Variants in DPP4 observed in about 807,000 individuals in gnomAD.
The protein encoded by DPP4 is ADCP-2.
DPP4 carries 93 observed loss-of-function variants against 122.4 expected under a neutral mutation model. The ratio of observed to expected loss-of-function variants is 0.76; its 90% confidence interval spans 0.64 to 0.90. The LOEUF is 0.90. DPP4 is among the 40% of genes least tolerant of loss of function. DPP4 has a pLI of 0.00. For missense variants in DPP4, 914 were observed against 907.3 expected (o/e 1.01, Z -0.09); for synonymous variants, 321 against 302.9 (o/e 1.06, Z -0.62).
chr2:162,044,475 A>T (rs1684105493), intron 5 of DPP4, among the ~76,000 whole-genome samples: 1 of 151,248 alleles, frequency 6.6e-6, no homozygotes, highest in African/African-American at 2.4e-5. Flanking sequence ...TTGGTGTGTG[A>T]GCGTTGGTGT....
chr2:162,052,008 G>A (rs1334833623), intron 2 of DPP4, among the ~76,000 whole-genome samples: 1 of 152,048 alleles, frequency 6.6e-6, no homozygotes, highest in African/African-American at 2.4e-5. Flanking sequence ...TTTGGGAAGT[G>A]GTTAGTGCTT....
rs752056322 is a variant in DPP4, at chr2:162,039,041, A to G, written c.420-20T>C. 3 of 1,613,066 alleles carry G rather than the reference A, an allele frequency of 1.9e-6. No homozygotes were observed. In the East Asian group the frequency reaches 6.7e-5, roughly 36 times the overall value. Reference sequence around the variant, plus strand: ...AGCTGCCTGGAAAAAAGATGAAAGGAAATATTATCAAAAAGAATAACTCAC... The same window carrying G: ...AGCTGCCTGGAAAAAAGATGAAAGGGAATATTATCAAAAAGAATAACTCAC... On this transcript the variant is annotated intron_variant, in intron 6 of 25. Coordinates refer to ENST00000360534, the MANE Select transcript of DPP4 (RefSeq NM_001935.4).
At chr2:162,020,878 T>C (rs1683100977) in intron 12 of DPP4, among the ~76,000 whole-genome samples, 190 bp from the exon 13 acceptor site, 1 of 152,158 alleles carries the variant, frequency 6.6e-6, no homozygotes, top group Admixed American at 6.5e-5. Flanking sequence ...ACCATACTCA[T>C]AGGTAATTTT....
chr2:162,053,984 C>T (rs998266212), intron 2 of DPP4, among the ~76,000 whole-genome samples: 1 of 152,218 alleles, frequency 6.6e-6, no homozygotes, highest in Non-Finnish European at 1.5e-5. Flanking sequence ...AAGACTTCAA[C>T]CCATGAGAGC....
At chr2:162,073,328 C>T (rs1310032451) in intron 2 of DPP4, 71 bp downstream of exon 2, 3 of 1,514,346 alleles carry the variant, frequency 2.0e-6, no homozygotes, top group African/African-American at 1.4e-5. Flanking sequence ...CCCTCGTTTC[C>T]CTTAGCGTGG....
intron 23 of DPP4, among the ~76,000 whole-genome samples, chr2:161,999,821 G>T (rs1701099233): frequency 6.6e-6 from 1 of 152,162 alleles, no homozygotes; most frequent in East Asian, 1.9e-4. Context: ...GATAATAATG[G>T]TGGCAGCTGC....
Position 162,074,046 on chromosome 2 carries a change from C to A in DPP4, c.-65G>T. ...CGCAGGCAGAAGTCACCGCGGGCGG[C>A]GGAGACGCGCGTCCTGCACCGCTGC... On this transcript the variant is annotated 5_prime_UTR_variant, in exon 1 of 26. Transcript: ENST00000360534. 6.3e-7 allele frequency: 1 copy of A among 1,582,302 alleles called. No individual in the cohort carries two copies. The highest frequency in any genetic ancestry group is 2.3e-5 in the East Asian group (1 of 43,692).
intron 12 of DPP4, among the ~76,000 whole-genome samples, chr2:162,021,292 T>C (rs1683118384): frequency 6.6e-6 from 1 of 152,208 alleles, no homozygotes; most frequent in Non-Finnish European, 1.5e-5. Flanking sequence ...TTGTTAAATA[T>C]GATCAACAAT....
chr2:162,021,907 G>A (rs879525165), intron 12 of DPP4, among the ~76,000 whole-genome samples: 4 of 152,196 alleles, frequency 2.6e-5, no homozygotes, highest in Non-Finnish European at 2.9e-5. Flanking sequence ...GAAAAAGGAC[G>A]TGTGAATGCT....
At chr2:162,059,921 G>A (rs929044111) in intron 2 of DPP4, among the ~76,000 whole-genome samples, 2 of 152,192 alleles carry the variant, frequency 1.3e-5, no homozygotes, top group African/African-American at 4.8e-5. Context: ...CTAGTTTGCT[G>A]GGTTGTTCTA....
At chr2:162,013,540 C>G (rs1470838206) in intron 19 of DPP4, among the ~76,000 whole-genome samples, 1 of 151,710 alleles carries the variant, frequency 6.6e-6, no homozygotes, top group Non-Finnish European at 1.5e-5. Context: ...TTTTTTCTCG[C>G]TGGTAACAAC....
At chr2:162,000,107 A>G (rs1048306343) in intron 23 of DPP4, among the ~76,000 whole-genome samples, 2 of 152,144 alleles carry the variant, frequency 1.3e-5, no homozygotes, top group Non-Finnish European at 2.9e-5. Context: ...AAGATCTTAT[A>G]GAAAGAGCAC....
At chr2:162,053,042 G>A (rs935136474) in intron 2 of DPP4, among the ~76,000 whole-genome samples, 2 of 152,168 alleles carry the variant, frequency 1.3e-5, no homozygotes, top group African/African-American at 4.8e-5. Flanking sequence ...CATCCTATAG[G>A]AAAATGTGAG....
At position 162,046,659 on chromosome 2, in the gene DPP4, G is replaced by T. The variant is rs1310173337; in HGVS notation, c.285+256C>A. ...TTCACCAAAGGAGAGCATGCAAAGT[G>T]AAGAGGGAGGCAAATGAAGATGGAG... On this transcript the variant is annotated intron_variant, in intron 4 of 25. Coordinates refer to ENST00000360534, the MANE Select transcript of DPP4 (RefSeq NM_001935.4). 1.1e-5 allele frequency: 6 copies of T among 557,308 alleles called. No homozygotes were observed. The African/African-American group carries it at 1.1e-4, about 10-fold the overall frequency. The allele number at this position is 557,308 out of a possible 1,614,324, so 34.5% of individuals were successfully genotyped here. A position where few individuals can be genotyped will look rare whatever the true frequency, so the allele number is the denominator to read the frequency against.
At chr2:162,036,363 T>C (rs1178952719) in intron 8 of DPP4, among the ~76,000 whole-genome samples, 1 of 152,218 alleles carries the variant, frequency 6.6e-6, no homozygotes, top group Admixed American at 6.5e-5. Flanking sequence ...ATAATAATTA[T>C]TGTGATGAGC....
At chr2:162,042,275 C>G (rs1684013464) in intron 5 of DPP4, among the ~76,000 whole-genome samples, 1 of 152,172 alleles carries the variant, frequency 6.6e-6, no homozygotes, top group African/African-American at 2.4e-5. Context: ...TAGCAGGGTT[C>G]TGGAACATTG....
intron 2 of DPP4, among the ~76,000 whole-genome samples, chr2:162,057,666 G>A (rs1684622310): frequency 2.0e-5 from 3 of 152,124 alleles, no homozygotes; most frequent in Admixed American, 1.3e-4. Context: ...GATCTTCTGT[G>A]TTCCTCCTTC....
chr2:161,995,154 T>C lies in DPP4; in HGVS notation c.2126-120A>G, dbSNP rs1474988953. On this transcript the variant is annotated intron_variant, in intron 24 of 25. Transcript: ENST00000360534. Reference sequence around the variant, plus strand: ...TGAAGTTCTAGGACTCAGCATCCCATTTAGCCCAAGACAAGTGACTTGTGG... The same window carrying C: ...TGAAGTTCTAGGACTCAGCATCCCACTTAGCCCAAGACAAGTGACTTGTGG... 3.8e-6 allele frequency: 5 copies of C among 1,330,368 alleles called. No individual in the cohort carries two copies. In the East Asian group the frequency reaches 9.3e-5, roughly 25 times the overall value. The allele number at this position is 1,330,368 out of a possible 1,614,324, so 82.4% of individuals were successfully genotyped here. A position where few individuals can be genotyped will look rare whatever the true frequency, so the allele number is the denominator to read the frequency against.
intron 25 of DPP4, among the ~76,000 whole-genome samples, chr2:161,994,584 A>T (rs1375161173): frequency 5.3e-5 from 8 of 152,204 alleles, no homozygotes; most frequent in Non-Finnish European, 1.0e-4. Flanking sequence ...ACCAGACAGA[A>T]ATGGATTTTC....
Sources: allele counts gnomAD v4.1 joint callset (sites outside exome capture counted in the v4.1 genomes callset), GRCh38; gene constraint gnomAD v4.1.1; transcripts MANE v1.5; gene names NCBI Gene and HGNC (gene_info 2026-07-23, HGNC 2026-07-21).